RPAP1: variants seen among roughly 807,000 people sequenced by gnomAD.
RPAP1 encodes RNA polymerase II-associated protein 1.
A neutral mutation model predicts 142.4 loss-of-function variants in RPAP1; 109 were observed. The observed-to-expected ratio is 0.77, with a 90% confidence interval of 0.66 to 0.90. The LOEUF (loss-of-function observed/expected upper bound fraction) is 0.90, where lower values mean the gene tolerates loss of function less well. Ranked by LOEUF, RPAP1 falls within the 40% of genes least tolerant of loss-of-function variation. The probability of loss-of-function intolerance (pLI) is 0.00; values close to 1 mark genes in which losing one functional copy is unlikely to be tolerated. For missense variants in RPAP1, 1,546 were observed against 1,751.7 expected (o/e 0.88, Z 2.10); for synonymous variants, 704 against 738.9 (o/e 0.95, Z 0.77).
chr15:41,536,562 T>C lies in RPAP1; in HGVS notation c.269A>G (p.Asp90Gly), dbSNP rs1295046391. 6.2e-7 allele frequency: 1 copy of C among 1,614,178 alleles called. No individual in the cohort carries two copies. The highest frequency in any genetic ancestry group is 1.7e-5 in the Admixed American group (1 of 60,016). ...SPGHCLPEDE[D>G]PEERLRRHDQ... ...ATGCCTCCTCAGCCTCTCTTCTGGGTCCTCATCCTCAGGCAGGCAGTGGCC... is the reference window on the plus strand; with the variant it reads ...ATGCCTCCTCAGCCTCTCTTCTGGGCCCTCATCCTCAGGCAGGCAGTGGCC... The change falls in exon 3 of 25, where the codon GAC becomes GGC. Residue 90 changes from aspartate (D) to glycine (G), a missense_variant. Physicochemically the swap from Asp to Gly is moderately conservative, Grantham distance 94. Coordinates refer to ENST00000304330, the MANE Select transcript of RPAP1 (RefSeq NM_015540.4).
rs1405790143 is a variant in RPAP1, at chr15:41,527,260, C to G, written c.1653G>C (p.Val551=). The change falls in exon 13 of 25, where the codon GTG becomes GTC. Residue 551 remains valine, a synonymous_variant. Transcript: ENST00000304330. ...ATSLLPRLRY[V]LEVTYPGPAV... is the part of the protein sequence containing the mutation. ...CAGGTCCTGGGTATGTCACCTCCAG[C>G]ACGTAGCGCAGCCGAGGCAGCAGGC... 7 of 1,614,102 alleles carry G rather than the reference C, an allele frequency of 4.3e-6. No individual in the cohort carries two copies. The East Asian group carries it at 1.6e-4, about 36-fold the overall frequency.
chr15:41,537,012 C>G lies in RPAP1; in HGVS notation c.114G>C (p.Arg38Ser), dbSNP rs778656098. 6.2e-7 allele frequency: 1 copy of G among 1,614,092 alleles called. No homozygotes were observed. The highest frequency in any genetic ancestry group is 1.7e-5 in the Admixed American group (1 of 60,012). Residue 38 changes from arginine to serine, a missense_variant, in exon 2 of 25, where the codon AGG (arginine) becomes AGC (serine). By Grantham distance (110) the Arg-to-Ser change is moderately radical (BLOSUM62 -1). Coordinates refer to ENST00000304330, the MANE Select transcript of RPAP1 (RefSeq NM_015540.4). ...PAVQLVKKGN[R>S]GGGDANSDRP... ...GGTCTGAGTTGGCATCACCACCGCC[C>G]CTATTTCCTTTCTTCACCAACTGCA...
In RPAP1 at chr15:41,517,613, G is replaced by T. The variant is rs1418290690; in HGVS notation, c.4111C>A (p.Pro1371Thr). The T allele has an allele frequency of 3.1e-6, 5 of 1,610,930 alleles. No homozygotes were observed. The Admixed American group carries it at 8.4e-5, about 27-fold the overall frequency. Residue 1371 changes from proline to threonine, a missense_variant, in exon 25 of 25, where the codon CCC (proline) becomes ACC (threonine). This residue lies in a region of RPAP1 where 210 missense variants were observed against 248.0 expected (regional missense o/e 0.85). Transcript: ENST00000304330. ...TGGAGGTAGTGCTGACGCAGAGGGG[G>T]CAACTGAGAATAGAGCTCAAAGCCC... Reference protein sequence around the residue: ...PEGFELYSQLPPLRQHYLQRL... With the variant: ...PEGFELYSQLTPLRQHYLQRL...
chr15:41,536,398 C>A, intron 3 of RPAP1, 103 bp downstream of exon 3: 2 of 1,492,078 alleles, frequency 1.3e-6, no homozygotes, highest in Non-Finnish European at 1.8e-6. Flanking sequence ...TAAAAGTCTA[C>A]CTTTCTGAAG....
chr15:41,535,823 T>G (rs981456706), intron 4 of RPAP1, among the ~76,000 whole-genome samples, 191 bp from the exon 5 acceptor site: 1 of 152,274 alleles, frequency 6.6e-6, no homozygotes, highest in South Asian at 2.1e-4. Context: ...CAGACTTGGG[T>G]TGAAGTTCTG....
intron 1 of RPAP1, among the ~76,000 whole-genome samples, chr15:41,538,599 T>C (rs1326715078): frequency 6.6e-6 from 1 of 152,238 alleles, no homozygotes; most frequent in Non-Finnish European, 1.5e-5. Context: ...ATTTCTATTT[T>C]TCTCTATATA....
At chr15:41,538,533 A>T (rs992621682) in intron 1 of RPAP1, among the ~76,000 whole-genome samples, 83 of 152,328 alleles carry the variant, frequency 5.4e-4, no homozygotes, top group Admixed American at 3.0e-3. Context: ...AAAAAACAAA[A>T]AAAATCAACA....
chr15:41,532,295 C>T (rs1380508812), intron 6 of RPAP1, among the ~76,000 whole-genome samples: 1 of 152,114 alleles, frequency 6.6e-6, no homozygotes, highest in Non-Finnish European at 1.5e-5. Context: ...GCTGGGATTA[C>T]AGGCGTGAGC....
intron 19 of RPAP1, 45 bp from the exon 20 acceptor site, chr15:41,522,295 GC>G (rs1414100494): frequency 3.2e-6 from 5 of 1,568,254 alleles, no homozygotes; most frequent in Middle Eastern, 1.9e-4. Flanking sequence ...TGACTCTCAT[GC>G]CTTCTAGGGC....
intron 21 of RPAP1, 128 bp downstream of exon 21, chr15:41,521,610 G>A: frequency 1.9e-6 from 2 of 1,042,952 alleles, no homozygotes; most frequent in Admixed American, 2.8e-5. Flanking sequence ...TGGAAGCTCG[G>A]AAGAGTTAAG....
At chr15:41,529,722 GA>G in intron 8 of RPAP1, 141 bp downstream of exon 8, 1 of 833,230 alleles carries the variant, frequency 1.2e-6, no homozygotes, top group South Asian at 1.7e-5. Flanking sequence ...CAGGCAGAGT[GA>G]TGGTAAAGGT....
In RPAP1 at chr15:41,536,114, C is replaced by T; in HGVS notation, c.420+15G>A. 1 of 1,610,000 alleles carries T rather than the reference C, an allele frequency of 6.2e-7. No individual in the cohort carries two copies. The highest frequency in any genetic ancestry group is 8.5e-7 in the Non-Finnish European group (1 of 1,176,340). Reference sequence around the variant, plus strand: ...GTCTGTCTCCTGAGCACCACCTAAGCTTACCCTTGCCTACCTGTGTGTCCC... The same window carrying T: ...GTCTGTCTCCTGAGCACCACCTAAGTTTACCCTTGCCTACCTGTGTGTCCC... On this transcript the variant is annotated intron_variant, in intron 4 of 24. Transcript: ENST00000304330.
At chr15:41,529,708 G>A (rs954722095) in intron 8 of RPAP1, 140 bp from the exon 9 acceptor site, 4 of 840,314 alleles carry the variant, frequency 4.8e-6, no homozygotes, top group Non-Finnish European at 5.7e-6. Context: ...CTGGCCTTGG[G>A]GGCCAGGCAG....
rs1219286141 is a variant in RPAP1 at position 41,520,490 on chromosome 15, G to A, written c.3696C>T (p.Val1232=). 1 of 1,614,022 alleles carries A rather than the reference G, an allele frequency of 6.2e-7. No individual in the cohort carries two copies. The highest frequency in any genetic ancestry group is 8.5e-7 in the Non-Finnish European group (1 of 1,180,014). Residue 1232 remains valine (V), a synonymous_variant, in exon 22 of 25, where the codon GTC becomes GTT. Coordinates refer to ENST00000304330, the MANE Select transcript of RPAP1 (RefSeq NM_015540.4). ...SFGDHLFGAL[V]LLPLQRRFSV... Reference sequence around the variant, plus strand: ...TGAACCGACGCTGCAGGGGCAGGAGGACCAGGGCCCCAAAGAGGTGGTCCC... The same window carrying A: ...TGAACCGACGCTGCAGGGGCAGGAGAACCAGGGCCCCAAAGAGGTGGTCCC...
chr15:41,524,961 AG>A, intron 15 of RPAP1, 29 bp downstream of exon 15: 1 of 1,608,874 alleles, frequency 6.2e-7, no homozygotes, highest in South Asian at 1.1e-5. Context: ...GAAGGTGTCT[AG>A]GGGGAGCCTA....
chr15:41,535,446 C>G, intron 5 of RPAP1, 66 bp downstream of exon 5: 1 of 1,525,078 alleles, frequency 6.6e-7, no homozygotes, highest in Non-Finnish European at 8.8e-7. Context: ...GACATATCTT[C>G]AAAAATGACC....
At chr15:41,523,454 G>C (rs1475009292) in intron 17 of RPAP1, 100 bp from the exon 18 acceptor site, 1 of 769,990 alleles carries the variant, frequency 1.3e-6, no homozygotes, top group South Asian at 1.8e-5. Context: ...GCCCAAAAGA[G>C]CACATTTGGA....
chr15:41,523,206 C>T, intron 18 of RPAP1, 39 bp downstream of exon 18: 1 of 1,379,556 alleles, frequency 7.2e-7, no homozygotes, highest in African/African-American at 1.5e-5. Context: ...GAAATTGCCT[C>T]CTCCCCTGCT....
At chr15:41,534,310 C>T (rs555599072) in intron 6 of RPAP1, among the ~76,000 whole-genome samples, 1 of 151,346 alleles carries the variant, frequency 6.6e-6, no homozygotes, top group East Asian at 2.0e-4. Context: ...TCCAGCTACT[C>T]GAGAGACTGA....
Sources: allele counts gnomAD v4.1 joint callset (sites outside exome capture counted in the v4.1 genomes callset), GRCh38; gene constraint gnomAD v4.1.1; regional missense constraint gnomAD v4.1.1; transcripts MANE v1.5; gene names NCBI Gene and HGNC (gene_info 2026-07-23, HGNC 2026-07-21).